The following MASP2 variants were observed in gnomAD, a reference collection of about 807,000 sequenced individuals.
MASP2 encodes the protein mannan-binding lectin serine protease 2.
Under a neutral mutation model 57.1 loss-of-function variants are expected in MASP2, and 49 were observed. The observed-to-expected ratio is 0.86, with a 90% CI of 0.68 to 1.09. The LOEUF (loss-of-function observed/expected upper bound fraction) is 1.09, where lower values mean the gene tolerates loss of function less well. Among genes scored for constraint, MASP2 ranks in the 50% least tolerant of loss-of-function variants. MASP2 has a pLI of 0.00. For missense variants in MASP2, 900 were observed against 874.8 expected (o/e 1.03, Z -0.36); for synonymous variants, 379 against 340.8 (o/e 1.11, Z -1.24).
intron 6 of MASP2, among the ~76,000 whole-genome samples, chr1:11,041,037 G>A (rs1358261178): frequency 5.3e-5 from 8 of 149,990 alleles, no homozygotes; most frequent in Non-Finnish European, 7.4e-5. Context: ...ATATGTGGAT[G>A]GGTAGATGAA....
Position 11,034,901 on chromosome 1 carries a change from G to A in MASP2, c.1014C>T (p.His338=). ...CETGYELLQG[H]LPLKSFTAVC... is the part of the protein sequence containing the mutation. ...CTGCAGTAAAGGATTTCAGGGGCAAGTGACCCTAAAGAAGAATTCAGAATA... is the reference window on the plus strand; with the variant it reads ...CTGCAGTAAAGGATTTCAGGGGCAAATGACCCTAAAGAAGAATTCAGAATA... Residue 338 remains histidine, a synonymous_variant, in exon 8 of 11, where the codon CAC becomes CAT. Coordinates refer to ENST00000400897, the MANE Select transcript of MASP2 (RefSeq NM_006610.4). The A allele has an allele frequency of 1.2e-6, 2 of 1,609,426 alleles. No homozygotes were observed. The highest frequency in any genetic ancestry group is 1.7e-6 in the Non-Finnish European group (2 of 1,176,912).
chr1:11,044,762 CCCGA>C, intron 4 of MASP2: 145 of 831,784 alleles, frequency 1.7e-4, no homozygotes, highest in Non-Finnish European at 2.3e-4. Context: ...CCCGCCGCCT[CCCGA>C]CCCTCCCACC....
Sources: gnomAD v4.1 joint callset for allele counts (sites outside exome capture counted in the v4.1 genomes callset) on GRCh38, gnomAD v4.1.1 for gene constraint, MANE v1.5 for transcripts, NCBI Gene and HGNC (gene_info 2026-07-23, HGNC 2026-07-21) for gene names.